DCLRE1B: variants seen among roughly 807,000 people sequenced by gnomAD.
DCLRE1B encodes the protein 5' exonuclease Apollo.
In DCLRE1B, 6 loss-of-function variants were observed where a neutral mutation model predicts 19.8. That is an observed-to-expected ratio of 0.30 (90% CI 0.17 to 0.60). DCLRE1B has a LOEUF of 0.60. Ranked by LOEUF, DCLRE1B falls within the 20% of genes least tolerant of loss-of-function variation. The pLI is 0.87. For synonymous variants in DCLRE1B, 258 were observed against 255.7 expected (o/e 1.01, Z -0.09); for missense variants, 622 against 654.2 (o/e 0.95, Z 0.54).
rs917481098 is a variant in DCLRE1B at position 113,914,058 on chromosome 1, A to G, written c.*1867A>G. 6.6e-6 allele frequency: 1 copy of G among 152,218 alleles called. No individual in the cohort carries two copies. Among genetic ancestry groups the G allele is most frequent in the African/African-American group, 2.4e-5 (1 of 41,452 alleles). The allele number at this position is 152,218 out of a possible 1,614,324, so 9.4% of individuals were successfully genotyped here. ...TTTTGTGTACTGTTTTTCTAATTACATATATTACAATGAACAACCTTATGC... is the reference window on the plus strand; with the variant it reads ...TTTTGTGTACTGTTTTTCTAATTACGTATATTACAATGAACAACCTTATGC... On this transcript the variant is annotated 3_prime_UTR_variant, in exon 4 of 4. Transcript: ENST00000650450.
chr1:113,912,689 T>C lies in DCLRE1B; in HGVS notation c.*498T>C, dbSNP rs1669311243. On this transcript the variant is annotated 3_prime_UTR_variant, in exon 4 of 4. Transcript: ENST00000650450. The stretch of plus-strand genomic sequence containing the variant: ...GTTCTATTTTTAAAATTATGAACTA[T>C]GGCGCTGCATGCTTCAATCCTGAAC... 6.5e-6 allele frequency: 1 copy of C among 152,848 alleles called. No homozygotes were observed. The highest frequency in any genetic ancestry group is 1.5e-5 in the Non-Finnish European group (1 of 68,420). The allele number at this position is 152,848 out of a possible 1,614,324, so 9.5% of individuals were successfully genotyped here.
Position 113,911,195 on chromosome 1 carries a change from G to T in DCLRE1B, c.603G>T (p.Val201=), listed in dbSNP as rs773265931. The T allele has an allele frequency of 3.3e-5, 54 of 1,614,172 alleles. No individual in the cohort carries two copies. The South Asian group carries it at 5.5e-4, about 16-fold the overall frequency. ...TGGCCCTGGAGTTTCAGACCTGGGT[G>T]GTATTGAGTCCTCGGCGCCTGGAGT... ...EQLALEFQTW[V]VLSPRRLELV... The change falls in exon 4 of 4, where the codon GTG becomes GTT. Residue 201 remains valine (V), a synonymous_variant. Coordinates refer to ENST00000650450, the MANE Select transcript of DCLRE1B (RefSeq NM_022836.4).
chr1:113,912,037 C>G lies in DCLRE1B; in HGVS notation c.1445C>G (p.Pro482Arg). 6.2e-7 allele frequency: 1 copy of G among 1,614,186 alleles called. No individual in the cohort carries two copies. Among genetic ancestry groups the G allele is most frequent in the Non-Finnish European group, 8.5e-7 (1 of 1,180,034 alleles). The part of the protein sequence containing the change: ...NQSAWMGHGS[P>R]LSHSSKGTPL... Reference sequence around the variant, plus strand: ...AGTGCCTGGATGGGCCATGGTTCTCCCCTGTCCCACAGCAGCAAGGGCACC... The same window carrying G: ...AGTGCCTGGATGGGCCATGGTTCTCGCCTGTCCCACAGCAGCAAGGGCACC... Residue 482 changes from proline (P) to arginine (R), a missense_variant, in exon 4 of 4, where the codon CCC becomes CGC. Pro to Arg is a moderately radical substitution (Grantham distance 103). Around this residue, in one of 3 missense-constraint regions of DCLRE1B, gnomAD observed 382 missense variants for 412.5 expected, o/e 0.93. Coordinates refer to ENST00000650450, the MANE Select transcript of DCLRE1B (RefSeq NM_022836.4).
Position 113,911,709 on chromosome 1 carries a change from G to A in DCLRE1B, c.1117G>A (p.Ala373Thr), listed in dbSNP as rs753878204. The A allele has an allele frequency of 9.9e-6, 16 of 1,613,932 alleles. No individual in the cohort carries two copies. The highest frequency in any genetic ancestry group is 1.4e-5 in the Non-Finnish European group (16 of 1,180,012). ...TCAAGCTGACAGAGACTCAAAGAAG[G>A]CCAAGAAAGAGAAACTTTCTCCCTG... Reference protein sequence around the residue: ...QSQADRDSKKAKKEKLSPWPA... With the variant: ...QSQADRDSKKTKKEKLSPWPA... Residue 373 changes from alanine (A) to threonine (T), a missense_variant, in exon 4 of 4, where the codon GCC becomes ACC. Physicochemically the swap from Ala to Thr is moderately conservative, Grantham distance 58. Around this residue, in one of 3 missense-constraint regions of DCLRE1B, gnomAD observed 382 missense variants for 412.5 expected, o/e 0.93. Coordinates refer to ENST00000650450, the MANE Select transcript of DCLRE1B (RefSeq NM_022836.4).
rs200186734 is a variant in DCLRE1B at position 113,911,211 on chromosome 1, C to T, written c.619C>T (p.Arg207Cys). ...FQTWVVLSPR[R>C]LELVQLLGLA... Reference sequence around the variant, plus strand: ...GACCTGGGTGGTATTGAGTCCTCGGCGCCTGGAGTTGGTACAGCTACTGGG... The same window carrying T: ...GACCTGGGTGGTATTGAGTCCTCGGTGCCTGGAGTTGGTACAGCTACTGGG... Residue 207 changes from arginine to cysteine, a missense_variant, in exon 4 of 4, where the codon CGC (arginine) becomes TGC (cysteine). Arg to Cys is a radical substitution (Grantham distance 180, BLOSUM62 -3). Around this residue, in one of 3 missense-constraint regions of DCLRE1B, gnomAD observed 382 missense variants for 412.5 expected, o/e 0.93. Coordinates refer to ENST00000650450, the MANE Select transcript of DCLRE1B (RefSeq NM_022836.4). The T allele has an allele frequency of 5.6e-6, 9 of 1,614,008 alleles. No homozygotes were observed. The highest frequency in any genetic ancestry group is 5.0e-5 in the Admixed American group (3 of 59,990).
chr1:113,906,371 T>C (rs1668966117), intron 1 of DCLRE1B, among the ~76,000 whole-genome samples: 1 of 150,120 alleles, frequency 6.7e-6, no homozygotes, highest in Non-Finnish European at 1.5e-5. Context: ...ACTTGCCTCA[T>C]CTTAAGAATC....
rs1669135214 is a variant in DCLRE1B at position 113,908,696 on chromosome 1, A to C, written c.538+505A>C. 1.3e-5 allele frequency among the ~76,000 whole-genome samples: 2 copies of C among 151,896 alleles called. 1 individual carries two copies. The highest frequency in any genetic ancestry group is 4.1e-4 in the South Asian group (2 of 4,824). The stretch of plus-strand genomic sequence containing the variant: ...AACTCCTGATCATCCATACCAATTC[A>C]TTTTTTTCATTTTTTTATAGCACTC... On this transcript the variant is annotated intron_variant, in intron 3 of 3. Transcript: ENST00000650450.
chr1:113,908,866 T>C (rs1172288629), intron 3 of DCLRE1B, among the ~76,000 whole-genome samples: 1 of 152,090 alleles, frequency 6.6e-6, no homozygotes, highest in Non-Finnish European at 1.5e-5. Flanking sequence ...GAAGAGACTT[T>C]GTGTGTTTGT....
intron 3 of DCLRE1B, among the ~76,000 whole-genome samples, chr1:113,909,529 G>T (rs1199266463): frequency 1.3e-5 from 2 of 152,210 alleles, no homozygotes; most frequent in South Asian, 2.1e-4. Flanking sequence ...CTAAACAAAG[G>T]CATTGAAAAA....
At chr1:113,905,138 G>A (rs1668827163), upstream of DCLRE1B, 1 of 351,976 alleles carries the variant, frequency 2.8e-6, no homozygotes, top group Non-Finnish European at 5.4e-6. Flanking sequence ...CCCTTGTCAA[G>A]AGACCAAACA....
At chr1:113,909,463 A>G (rs1479134667) in intron 3 of DCLRE1B, among the ~76,000 whole-genome samples, 1 of 152,212 alleles carries the variant, frequency 6.6e-6, no homozygotes, top group Non-Finnish European at 1.5e-5. Flanking sequence ...ACTTGCCACC[A>G]TTATAAATAT....
At chr1:113,909,883 G>T (rs776853261) in intron 3 of DCLRE1B, among the ~76,000 whole-genome samples, 1 of 152,146 alleles carries the variant, frequency 6.6e-6, no homozygotes, top group Non-Finnish European at 1.5e-5. Context: ...CGCTCCATTT[G>T]TGCCCAAGGA....
In DCLRE1B at chr1:113,905,546, C is replaced by T. The variant is rs758971542; in HGVS notation, c.-41C>T. 6.3e-7 allele frequency: 1 copy of T among 1,599,638 alleles called. No homozygotes were observed. Among genetic ancestry groups the T allele is most frequent in the Non-Finnish European group, 8.5e-7 (1 of 1,171,428 alleles). On this transcript the variant is annotated 5_prime_UTR_variant, in exon 1 of 4. Coordinates refer to ENST00000650450, the MANE Select transcript of DCLRE1B (RefSeq NM_022836.4). ...GGAAGCCTCACGCAGGAGCCCTGCCCCCGTGGAGAAGATCCCACTGGTGAC... is the reference window on the plus strand; with the variant it reads ...GGAAGCCTCACGCAGGAGCCCTGCCTCCGTGGAGAAGATCCCACTGGTGAC...
upstream of DCLRE1B, chr1:113,904,815 C>G: frequency 9.4e-7 from 1 of 1,061,696 alleles, no homozygotes; most frequent in Non-Finnish European, 1.5e-6. Context: ...AAATATGAGT[C>G]AGTGAAAATA....
rs1669361502 is a variant in DCLRE1B, at chr1:113,914,079, T to G, written c.*1888T>G. ...TTACATATATTACAATGAACAACCTTATGCATATATTTTGCATTTTTATTT... is the reference window on the plus strand; with the variant it reads ...TTACATATATTACAATGAACAACCTGATGCATATATTTTGCATTTTTATTT... On this transcript the variant is annotated 3_prime_UTR_variant, in exon 4 of 4. Coordinates refer to ENST00000650450, the MANE Select transcript of DCLRE1B (RefSeq NM_022836.4). 1 of 152,224 alleles carries G rather than the reference T, an allele frequency of 6.6e-6. No homozygotes were observed. 9.4% of individuals were successfully genotyped at this position (152,224 alleles called of 1,614,324 possible).
upstream of DCLRE1B, chr1:113,904,865 GC>G (rs1668779943): frequency 1.4e-6 from 1 of 736,624 alleles, no homozygotes. Flanking sequence ...CTTCCGTAGG[GC>G]CGGCACGCTG....
chr1:113,904,848 G>A, upstream of DCLRE1B: 3 of 844,038 alleles, frequency 3.6e-6, no homozygotes, highest in East Asian at 5.2e-5. Context: ...TCTCGCCTCA[G>A]GCTCGGCTTC....
At chr1:113,909,178 A>AT (rs1438723425) in intron 3 of DCLRE1B, among the ~76,000 whole-genome samples, 1 of 152,236 alleles carries the variant, frequency 6.6e-6, no homozygotes, top group Admixed American at 6.5e-5. Flanking sequence ...TGCCTGACAC[A>AT]GAAGCATTCA....
chr1:113,906,046 CTTTTTTTTTTTTTTT>C (rs1159693224), intron 1 of DCLRE1B, among the ~76,000 whole-genome samples: 6 of 68,108 alleles, frequency 8.8e-5, no homozygotes, highest in East Asian at 4.2e-4. Flanking sequence ...CCAAACTTGC[CTTTTTTTTTTTTTTT>C]TTTTTTTTTT....
Sources: gnomAD v4.1 joint callset for allele counts (sites outside exome capture counted in the v4.1 genomes callset) on GRCh38, gnomAD v4.1.1 for gene constraint, gnomAD v4.1.1 regional missense constraint, MANE v1.5 for transcripts, NCBI Gene and HGNC (gene_info 2026-07-23, HGNC 2026-07-21) for gene names.